The following NEGR1 variants were observed in gnomAD, a reference collection of about 807,000 sequenced individuals.
NEGR1 encodes neuronal growth regulator 1.
Under a neutral mutation model 40.9 loss-of-function variants are expected in NEGR1, and 10 were observed. The observed-to-expected ratio is 0.24, with a 90% CI of 0.15 to 0.42. The LOEUF (loss-of-function observed/expected upper bound fraction) is 0.42. Ranked by LOEUF, NEGR1 falls within the 10% of genes least tolerant of loss-of-function variation. The probability of loss-of-function intolerance (pLI) is 1.00; values close to 1 mark genes in which losing one functional copy is unlikely to be tolerated. For missense variants in NEGR1, 352 were observed against 438.9 expected (o/e 0.80, Z 1.77); for synonymous variants, 185 against 166.8 (o/e 1.11, Z -0.84).
At chr1:72,161,265 G>A (rs939426362) in intron 1 of NEGR1, among the ~76,000 whole-genome samples, 1 of 152,154 alleles carries the variant, frequency 6.6e-6, no homozygotes, top group South Asian at 2.1e-4. Context: ...GGTGCGAGAT[G>A]AACCTCTTTA....
intron 1 of NEGR1, among the ~76,000 whole-genome samples, chr1:72,197,404 T>G (rs1381777132): frequency 6.6e-6 from 1 of 152,008 alleles, no homozygotes. Flanking sequence ...TATATTATAT[T>G]TTATATTTTG....
chr1:72,224,018 G>A (rs1431425117), intron 1 of NEGR1, among the ~76,000 whole-genome samples: 2 of 152,028 alleles, frequency 1.3e-5, no homozygotes, highest in Admixed American at 1.3e-4. Flanking sequence ...AGTAAGAGTG[G>A]CCTTCAGTTT....
intron 1 of NEGR1, among the ~76,000 whole-genome samples, chr1:72,220,914 G>GTTT (rs3082236): frequency 0.19 from 26,702 of 140,570 alleles, 3,128 homozygotes; most frequent in Non-Finnish European, 0.26. Context: ...CCTACCTAAA[G>GTTT]TTTTTTTTTT....
chr1:71,564,915 C>T (rs1229898778), intron 6 of NEGR1, among the ~76,000 whole-genome samples: 1 of 152,064 alleles, frequency 6.6e-6, no homozygotes, highest in Non-Finnish European at 1.5e-5. Flanking sequence ...CTCAAGTATT[C>T]AGATTTGCAG....
chr1:72,193,545 G>T (rs781467419), intron 1 of NEGR1, among the ~76,000 whole-genome samples: 10 of 151,612 alleles, frequency 6.6e-5, no homozygotes, highest in Non-Finnish European at 1.0e-4. Context: ...CATCCATCTT[G>T]CTGGGATGAC....
intron 6 of NEGR1, among the ~76,000 whole-genome samples, chr1:71,436,140 G>C (rs1423974610): frequency 1.3e-5 from 2 of 151,952 alleles, no homozygotes; most frequent in South Asian, 2.1e-4. Context: ...ATTCCTGCTG[G>C]AGGAAACAGT....
intron 1 of NEGR1, among the ~76,000 whole-genome samples, chr1:72,107,729 T>G (rs1033382528): frequency 3.7e-4 from 56 of 151,504 alleles, no homozygotes; most frequent in Non-Finnish European, 4.4e-5. Flanking sequence ...AGTGTATATA[T>G]GTACATATAT....
At chr1:72,273,935 G>C (rs1403133907) in intron 1 of NEGR1, among the ~76,000 whole-genome samples, 2 of 150,588 alleles carry the variant, frequency 1.3e-5, no homozygotes, top group African/African-American at 4.9e-5. Flanking sequence ...GAAAGCTTCT[G>C]TGCTAAGGCC....
chr1:72,064,626 AC>A (rs1647231925), intron 1 of NEGR1, among the ~76,000 whole-genome samples: 1 of 152,076 alleles, frequency 6.6e-6, no homozygotes. Flanking sequence ...CCCAGAATGG[AC>A]TTTTTATGTT....
chr1:71,816,906 A>G (rs374631712), intron 2 of NEGR1, among the ~76,000 whole-genome samples: 100 of 151,660 alleles, frequency 6.6e-4, no homozygotes, highest in African/African-American at 2.2e-3. Flanking sequence ...TCTACTTTTA[A>G]TCAATACTGT....
At chr1:71,523,853 T>G (rs543406790) in intron 6 of NEGR1, among the ~76,000 whole-genome samples, 28 of 152,040 alleles carry the variant, frequency 1.8e-4, no homozygotes, top group South Asian at 8.3e-4. Context: ...TTGCTAATTT[T>G]GGACTACAGG....
intron 1 of NEGR1, among the ~76,000 whole-genome samples, chr1:72,154,770 CT>C (rs1651298581): frequency 6.6e-6 from 1 of 151,882 alleles, no homozygotes; most frequent in African/African-American, 2.4e-5. Flanking sequence ...AGCCTTGTTG[CT>C]TTGGAAGTTA....
chr1:71,760,418 C>A (rs1655900410), intron 3 of NEGR1, among the ~76,000 whole-genome samples: 2 of 152,104 alleles, frequency 1.3e-5, no homozygotes, highest in South Asian at 2.1e-4. Flanking sequence ...TGGAAACAGA[C>A]AAATGAAAGT....
chr1:71,950,460 C>T (rs750176509), intron 1 of NEGR1, among the ~76,000 whole-genome samples: 3 of 151,994 alleles, frequency 2.0e-5, no homozygotes, highest in Non-Finnish European at 4.4e-5. Context: ...TTCTATTTTA[C>T]TTGAAATATT....
chr1:71,978,475 T>A (rs1373154629), intron 1 of NEGR1, among the ~76,000 whole-genome samples: 1 of 152,128 alleles, frequency 6.6e-6, no homozygotes, highest in Non-Finnish European at 1.5e-5. Context: ...ATACAAATTA[T>A]GGCCCTGAAA....
At chr1:72,225,281 C>A (rs1204099297) in intron 1 of NEGR1, among the ~76,000 whole-genome samples, 1 of 151,788 alleles carries the variant, frequency 6.6e-6, no homozygotes, top group Non-Finnish European at 1.5e-5. Context: ...TAAATTATTA[C>A]CCACATAACA....
At chr1:72,051,164 CAG>C (rs1431727806) in intron 1 of NEGR1, among the ~76,000 whole-genome samples, 1 of 151,440 alleles carries the variant, frequency 6.6e-6, no homozygotes, top group Non-Finnish European at 1.5e-5. Context: ...ATGTAAATTT[CAG>C]AGACATATAA....
intron 2 of NEGR1, among the ~76,000 whole-genome samples, chr1:71,926,435 C>T (rs1466100529): frequency 1.3e-5 from 2 of 151,780 alleles, no homozygotes; most frequent in Non-Finnish European, 2.9e-5. Context: ...CCCTCTTCTA[C>T]CACCCTCTCA....
chr1:72,203,595 G>A (rs1343585567), intron 1 of NEGR1, among the ~76,000 whole-genome samples: 1 of 152,122 alleles, frequency 6.6e-6, no homozygotes, highest in African/African-American at 2.4e-5. Context: ...ATAAAACTTA[G>A]TTGATACAAC....
Sources: allele counts gnomAD v4.1 joint callset (sites outside exome capture counted in the v4.1 genomes callset), GRCh38; gene constraint gnomAD v4.1.1; transcripts MANE v1.5; gene names NCBI Gene and HGNC (gene_info 2026-07-23, HGNC 2026-07-21).